The following PDE7B variants were observed in gnomAD, a reference collection of about 807,000 sequenced individuals.
PDE7B encodes phosphodiesterase 7B, also known as 3',5'-cyclic-AMP phosphodiesterase 7B.
Under a neutral mutation model 56.2 loss-of-function variants are expected in PDE7B, and 29 were observed. The ratio of observed to expected loss-of-function variants is 0.52; its 90% CI spans 0.38 to 0.70. The LOEUF is 0.70. Among genes scored for constraint, PDE7B ranks in the 30% least tolerant of loss-of-function variants. PDE7B has a pLI of 0.00. For missense variants in PDE7B, 490 were observed against 565.0 expected (o/e 0.87, Z 1.35); for synonymous variants, 197 against 196.9 (o/e 1.00, Z 0.00).
At chr6:135,974,816 G>A (rs1199529103) in intron 2 of PDE7B, among the ~76,000 whole-genome samples, 1 of 152,166 alleles carries the variant, frequency 6.6e-6, no homozygotes, top group East Asian at 1.9e-4. Context: ...CTGATCCAAA[G>A]GTTCAAAATC....
At chr6:136,072,799 C>G (rs1020216815) in intron 2 of PDE7B, 1 of 152,138 alleles carries the variant, frequency 6.6e-6, no homozygotes, top group African/African-American at 2.4e-5. Flanking sequence ...GGTGGAGCTG[C>G]GGGACACATG....
chr6:135,964,401 G>A (rs780997603), intron 2 of PDE7B, among the ~76,000 whole-genome samples: 13 of 151,958 alleles, frequency 8.6e-5, no homozygotes, highest in East Asian at 3.9e-4. Context: ...CACCATGCCC[G>A]TCCCTCTGGG....
At chr6:136,066,963 C>T (rs545763586) in intron 2 of PDE7B, among the ~76,000 whole-genome samples, 1 of 152,004 alleles carries the variant, frequency 6.6e-6, no homozygotes, top group East Asian at 1.9e-4. Context: ...GCAAGTGATC[C>T]TCCCATCTCA....
At chr6:136,026,609 G>T (rs1583835376) in intron 2 of PDE7B, among the ~76,000 whole-genome samples, 1 of 152,196 alleles carries the variant, frequency 6.6e-6, no homozygotes, top group African/African-American at 2.4e-5. Flanking sequence ...CAGTACAGCA[G>T]AGTGCTAAGA....
chr6:136,163,508 A>G (rs1277557729), intron 8 of PDE7B, among the ~76,000 whole-genome samples: 1 of 152,194 alleles, frequency 6.6e-6, no homozygotes, highest in Non-Finnish European at 1.5e-5. Context: ...TCGGGCTGCC[A>G]TGGAGGTCTT....
At chr6:136,134,749 A>C (rs1367032783) in intron 3 of PDE7B, among the ~76,000 whole-genome samples, 1 of 151,604 alleles carries the variant, frequency 6.6e-6, no homozygotes, top group Non-Finnish European at 1.5e-5. Context: ...AAAAAAAAAA[A>C]AAAAAAAATT....
intron 1 of PDE7B, among the ~76,000 whole-genome samples, chr6:135,855,674 C>T (rs753503602): frequency 6.6e-6 from 1 of 152,056 alleles, no homozygotes; most frequent in African/African-American, 2.4e-5. Flanking sequence ...AAATCAAATC[C>T]GTACATTGGC....
chr6:136,007,529 C>G (rs1775808973), intron 2 of PDE7B, among the ~76,000 whole-genome samples: 1 of 151,944 alleles, frequency 6.6e-6, no homozygotes, highest in Non-Finnish European at 1.5e-5. Context: ...GTTACTTAAT[C>G]TCTCCTAATC....
chr6:135,925,584 C>G (rs375140798), intron 1 of PDE7B, among the ~76,000 whole-genome samples: 2 of 151,832 alleles, frequency 1.3e-5, no homozygotes, highest in East Asian at 1.9e-4. Context: ...TACCTTGCCA[C>G]AAAACACCCA....
chr6:136,069,412 A>C (rs1777007467), intron 2 of PDE7B, among the ~76,000 whole-genome samples: 2 of 152,306 alleles, frequency 1.3e-5, no homozygotes, highest in South Asian at 4.1e-4. Context: ...GAAAATAATC[A>C]GTAGTGAATG....
At chr6:135,922,645 C>A (rs1378582310) in intron 1 of PDE7B, among the ~76,000 whole-genome samples, 2 of 152,120 alleles carry the variant, frequency 1.3e-5, no homozygotes, top group East Asian at 3.9e-4. Context: ...CTTGCTTCTG[C>A]TTTTGGAATG....
intron 1 of PDE7B, among the ~76,000 whole-genome samples, chr6:135,915,563 G>T (rs1002875557): frequency 6.6e-6 from 1 of 152,078 alleles, no homozygotes; most frequent in African/African-American, 2.4e-5. Flanking sequence ...CTTTTGGGGG[G>T]TATAATTCGT....
At chr6:136,053,681 T>G (rs1776675613) in intron 2 of PDE7B, among the ~76,000 whole-genome samples, 1 of 152,202 alleles carries the variant, frequency 6.6e-6, no homozygotes. Context: ...ACCAACATTG[T>G]AAAAGTGTTC....
At chr6:135,893,707 T>C (rs1196282296) in intron 1 of PDE7B, among the ~76,000 whole-genome samples, 4 of 152,182 alleles carry the variant, frequency 2.6e-5, no homozygotes, top group African/African-American at 7.2e-5. Context: ...TAAAGGAGCC[T>C]TTCTTAATCA....
chr6:136,111,721 T>C (rs1311260728), intron 3 of PDE7B, among the ~76,000 whole-genome samples: 2 of 152,242 alleles, frequency 1.3e-5, no homozygotes, highest in Non-Finnish European at 2.9e-5. Context: ...GGGAAACATC[T>C]TGGGACATTT....
At chr6:136,090,575 T>C (rs1777370546) in intron 2 of PDE7B, among the ~76,000 whole-genome samples, 1 of 152,236 alleles carries the variant, frequency 6.6e-6, no homozygotes, top group East Asian at 1.9e-4. Flanking sequence ...TTTTATTATT[T>C]TTGTTATTTT....
chr6:136,076,946 A>G (rs1777136376), intron 2 of PDE7B, among the ~76,000 whole-genome samples: 1 of 152,186 alleles, frequency 6.6e-6, no homozygotes, highest in Non-Finnish European at 1.5e-5. Flanking sequence ...TCCCTGAACA[A>G]AATGTCTCTC....
In PDE7B at chr6:136,173,631, G is replaced by T. The variant is rs150249424; in HGVS notation, c.712-166G>T. 2.0e-3 allele frequency among the ~76,000 whole-genome samples: 300 copies of T among 152,152 alleles called. 1 individual carries two copies. Among genetic ancestry groups the T allele is most frequent in the African/African-American group, 6.8e-3 (280 of 41,452 alleles). ...CATCATCATCACAGCCTTGAGACTA[G>T]ACCTCATGGTTGTTTTATCTTTTGG... On this transcript the variant is annotated intron_variant, in intron 8 of 12. Coordinates refer to ENST00000308191, the MANE Select transcript of PDE7B (RefSeq NM_018945.4).
At chr6:136,105,749 C>G (rs1029215914) in intron 2 of PDE7B, among the ~76,000 whole-genome samples, 3 of 152,182 alleles carry the variant, frequency 2.0e-5, no homozygotes, top group Admixed American at 2.0e-4. Flanking sequence ...CCTGTCAGTA[C>G]AGGAGCCCCC....
Sources: allele counts gnomAD v4.1 joint callset (sites outside exome capture counted in the v4.1 genomes callset), GRCh38; gene constraint gnomAD v4.1.1; transcripts MANE v1.5; gene names NCBI Gene and HGNC (gene_info 2026-07-23, HGNC 2026-07-21).